KHDRBS2: variants seen among roughly 807,000 people sequenced by gnomAD.
KHDRBS2 encodes the protein KH domain-containing, RNA-binding, signal transduction-associated protein 2.
A neutral mutation model predicts 44.3 loss-of-function variants in KHDRBS2; 26 were observed. The observed-to-expected ratio is 0.59, with a 90% CI of 0.43 to 0.81. The LOEUF (loss-of-function observed/expected upper bound fraction) is 0.81. Ranked by LOEUF, KHDRBS2 falls within the 40% of genes least tolerant of loss-of-function variation. The pLI is 0.00. For missense variants in KHDRBS2, 476 were observed against 433.1 expected (o/e 1.10, Z -0.88); for synonymous variants, 194 against 151.1 (o/e 1.28, Z -2.08).
Position 61,913,416 on chromosome 6 carries a change from C to T in KHDRBS2, c.484-12045G>A, listed in dbSNP as rs1275993018. 5.3e-5 allele frequency among the ~76,000 whole-genome samples: 8 copies of T among 152,056 alleles called. No homozygotes were observed. The East Asian group carries it at 1.5e-3, about 29-fold the overall frequency. On this transcript the variant is annotated intron_variant, in intron 4 of 8. Transcript: ENST00000281156. ...TGGGTTTCTGTTGAACTTGTGCAAA[C>T]ATAACCAGGCATGCATTCCAAAGGG...
intron 8 of KHDRBS2, among the ~76,000 whole-genome samples, chr6:61,687,788 A>G (rs1766982322): frequency 6.6e-6 from 1 of 151,908 alleles, no homozygotes; most frequent in Non-Finnish European, 1.5e-5. Flanking sequence ...AACTCAAGGA[A>G]GCTTAAAAAA....
At chr6:61,689,690 C>G (rs1767186557) in intron 8 of KHDRBS2, among the ~76,000 whole-genome samples, 1 of 151,934 alleles carries the variant, frequency 6.6e-6, no homozygotes, top group African/African-American at 2.4e-5. Flanking sequence ...TGGGATCTTC[C>G]TGGACAATCG....
At chr6:61,736,901 T>TC (rs993270554) in intron 6 of KHDRBS2, among the ~76,000 whole-genome samples, 4 of 152,106 alleles carry the variant, frequency 2.6e-5, no homozygotes, top group Non-Finnish European at 5.9e-5. Context: ...TCTATAATTT[T>TC]CTCTCTTTTT....
intron 6 of KHDRBS2, among the ~76,000 whole-genome samples, chr6:61,780,786 A>G (rs1286971422): frequency 7.8e-6 from 1 of 128,742 alleles, no homozygotes; most frequent in Non-Finnish European, 1.6e-5. Flanking sequence ...TAATAAATAT[A>G]TACCTCTTGC....
chr6:61,660,428 A>T, the KHDRBS2 span, among the ~76,000 whole-genome samples: 1 of 151,832 alleles, frequency 6.6e-6, no homozygotes, highest in Non-Finnish European at 1.5e-5. Context: ...CATTAAAAAA[A>T]TTACTTAAGT....
intron 2 of KHDRBS2, among the ~76,000 whole-genome samples, chr6:62,141,384 A>C (rs1190333910): frequency 6.6e-6 from 1 of 152,170 alleles, no homozygotes; most frequent in East Asian, 1.9e-4. Flanking sequence ...TCACTGCATG[A>C]TAGAAGAATT....
chr6:62,221,666 A>G (rs1000797516), intron 1 of KHDRBS2, among the ~76,000 whole-genome samples: 6 of 152,186 alleles, frequency 3.9e-5, no homozygotes, highest in African/African-American at 1.4e-4. Context: ...ATGGTGCTAT[A>G]TGTAAGAGAA....
intron 1 of KHDRBS2, among the ~76,000 whole-genome samples, chr6:62,262,975 C>T (rs1838613439): frequency 1.3e-5 from 2 of 151,842 alleles, no homozygotes; most frequent in East Asian, 1.9e-4. Context: ...GACATTCAAT[C>T]ATGCCTTACA....
the KHDRBS2 span, among the ~76,000 whole-genome samples, chr6:61,661,941 C>G: frequency 6.6e-6 from 1 of 151,582 alleles, no homozygotes; most frequent in Non-Finnish European, 1.5e-5. Context: ...CATCGCCAAG[C>G]CAATCCTAAG....
chr6:62,207,474 C>A (rs1395797608), intron 1 of KHDRBS2, among the ~76,000 whole-genome samples: 1 of 151,988 alleles, frequency 6.6e-6, no homozygotes. Context: ...CCTACTTAGC[C>A]CTGAAGGTGA....
At chr6:61,646,021 T>G in the KHDRBS2 span, among the ~76,000 whole-genome samples, 1 of 152,170 alleles carries the variant, frequency 6.6e-6, no homozygotes, top group Non-Finnish European at 1.5e-5. Flanking sequence ...GGCAAGTTAT[T>G]TAATCTCTGA....
the KHDRBS2 span, among the ~76,000 whole-genome samples, chr6:61,648,793 C>T: frequency 6.6e-6 from 1 of 152,032 alleles, no homozygotes; most frequent in African/African-American, 2.4e-5. Flanking sequence ...GTATATTTTT[C>T]CTTTTTACTG....
At chr6:62,058,016 T>C (rs886204592) in intron 2 of KHDRBS2, among the ~76,000 whole-genome samples, 3 of 152,108 alleles carry the variant, frequency 2.0e-5, no homozygotes, top group Admixed American at 6.6e-5. Context: ...ATTGGGCATA[T>C]ATATTTTTAA....
chr6:61,671,271 A>G, the KHDRBS2 span, among the ~76,000 whole-genome samples: 1 of 151,548 alleles, frequency 6.6e-6, no homozygotes, highest in Non-Finnish European at 1.5e-5. Context: ...ATCCTTCACT[A>G]TATTCCATGG....
chr6:61,978,209 C>A lies in KHDRBS2; in HGVS notation c.340G>T (p.Glu114Ter). Residue 114 changes from glutamate (E) to a stop codon, truncating the protein, a stop_gained, in exon 4 of 9, where the codon GAA becomes TAA. Coordinates refer to ENST00000281156, the MANE Select transcript of KHDRBS2 (RefSeq NM_152688.4). LOFTEE classifies it high-confidence loss of function. ...KGSMRDKAKEEELRKSGEAKY... is the reference protein window; with the variant it reads ...KGSMRDKAKE ...GCTTCCCCACTCTTCCTTAGTTCTT[C>A]TTCCTGTGAAAAAGGTTATTTTTAG... The A allele has an allele frequency of 6.3e-7, 1 of 1,598,704 alleles. No individual in the cohort carries two copies. Among genetic ancestry groups the A allele is most frequent in the Non-Finnish European group, 8.5e-7 (1 of 1,174,328 alleles).
At chr6:61,990,088 T>C (rs76948575) in intron 3 of KHDRBS2, among the ~76,000 whole-genome samples, 5,902 of 152,272 alleles carry the variant, frequency 0.039, 153 homozygotes, top group African/African-American at 0.056. Flanking sequence ...TTTCTTATTT[T>C]ACTTCCTCAT....
At chr6:61,976,402 A>G (rs2127402109) in intron 4 of KHDRBS2, among the ~76,000 whole-genome samples, 1 of 152,256 alleles carries the variant, frequency 6.6e-6, no homozygotes, top group East Asian at 1.9e-4. Flanking sequence ...AGCAAGCGAG[A>G]TGTATTACTG....
At chr6:61,932,654 G>C (rs1211407237) in intron 4 of KHDRBS2, among the ~76,000 whole-genome samples, 1 of 152,086 alleles carries the variant, frequency 6.6e-6, no homozygotes, top group Non-Finnish European at 1.5e-5. Flanking sequence ...AAAAAAATTA[G>C]CCGGGCGTGG....
At chr6:62,130,000 G>A (rs577316223) in intron 2 of KHDRBS2, among the ~76,000 whole-genome samples, 3 of 152,220 alleles carry the variant, frequency 2.0e-5, no homozygotes, top group Middle Eastern at 3.4e-3. Flanking sequence ...TACTGGACAC[G>A]TATTTGTGCA....
Sources: allele counts gnomAD v4.1 joint callset (sites outside exome capture counted in the v4.1 genomes callset), GRCh38; gene constraint gnomAD v4.1.1; transcripts MANE v1.5; gene names NCBI Gene and HGNC (gene_info 2026-07-23, HGNC 2026-07-21).